Variants in NSD3 observed in about 807,000 individuals in gnomAD.
NSD3 encodes the protein histone-lysine N-methyltransferase NSD3.
In NSD3, 24 loss-of-function variants were observed where a neutral mutation model predicts 160.8. The observed-to-expected ratio is 0.15, with a 90% CI of 0.11 to 0.21. The LOEUF (loss-of-function observed/expected upper bound fraction) is 0.21. NSD3 is among the 10% of genes least tolerant of loss of function. The probability of loss-of-function intolerance (pLI) is 1.00; values close to 1 mark genes in which losing one functional copy is unlikely to be tolerated. For missense variants in NSD3, 1,157 were observed against 1,735.9 expected (o/e 0.67, Z 5.93); for synonymous variants, 520 against 600.0 (o/e 0.87, Z 1.95).
intron 1 of NSD3, among the ~76,000 whole-genome samples, chr8:38,357,504 A>G (rs1810853931): frequency 6.6e-6 from 1 of 152,130 alleles, no homozygotes; most frequent in Admixed American, 6.5e-5. Context: ...TCCTATCCAT[A>G]ATATACCCTT....
At chr8:38,357,401 C>G (rs1810851946) in intron 1 of NSD3, among the ~76,000 whole-genome samples, 1 of 152,142 alleles carries the variant, frequency 6.6e-6, no homozygotes, top group South Asian at 2.1e-4. Context: ...CCTCTTCAAC[C>G]TCAAGTCATT....
chr8:38,305,490 G>T (rs779503364), intron 12 of NSD3, 45 bp from the exon 13 acceptor site: 4 of 1,592,266 alleles, frequency 2.5e-6, no homozygotes, highest in Non-Finnish European at 1.7e-6. Flanking sequence ...ATTGACTAAA[G>T]CATATTCAAG....
intron 14 of NSD3, chr8:38,303,423 T>A (rs973991796): frequency 3.0e-6 from 3 of 984,874 alleles, no homozygotes; most frequent in African/African-American, 3.5e-5. Flanking sequence ...GACACAGTAC[T>A]TCCTGCTCCA....
intron 2 of NSD3, among the ~76,000 whole-genome samples, chr8:38,340,742 C>G (rs965038182): frequency 6.6e-6 from 1 of 151,918 alleles, no homozygotes; most frequent in Non-Finnish European, 1.5e-5. Context: ...CGTTCCAGGC[C>G]CAGTTCTAGA....
chr8:38,302,224 C>G (rs1368343868), intron 14 of NSD3, among the ~76,000 whole-genome samples: 1 of 152,150 alleles, frequency 6.6e-6, no homozygotes, highest in Admixed American at 6.5e-5. Context: ...GCTAAGTTTT[C>G]TAATACCCAA....
chr8:38,303,229 T>A, intron 14 of NSD3: 5 of 985,094 alleles, frequency 5.1e-6, no homozygotes, highest in Non-Finnish European at 4.8e-6. Flanking sequence ...GATAATACAA[T>A]AATTTTTTCT....
intron 19 of NSD3, among the ~76,000 whole-genome samples, chr8:38,283,563 T>C (rs1457799564): frequency 6.6e-6 from 1 of 151,996 alleles, no homozygotes; most frequent in East Asian, 1.9e-4. Flanking sequence ...CTTTAAAACA[T>C]TTAATCTTTT....
In NSD3 at chr8:38,329,149, C is replaced by G. The variant is rs1247093640; in HGVS notation, c.1581+229G>C. Among the ~76,000 whole-genome samples the G allele has an allele frequency of 6.6e-6, 1 of 151,986 alleles. No individual in the cohort carries two copies. The highest frequency in any genetic ancestry group is 1.5e-5 in the Non-Finnish European group (1 of 68,008). ...TAAGCTCAATTTTGGCTGCACAGCT[C>G]AAGACTAATCTACTACAGATGGGAA... On this transcript the variant is annotated intron_variant, in intron 6 of 23. Transcript: ENST00000317025. This position sits in a 1 kb window ranked among gnomAD's most constrained non-coding sequence, Gnocchi z 4.8.
chr8:38,357,257 C>T (rs1563366980), intron 1 of NSD3, among the ~76,000 whole-genome samples: 1 of 151,482 alleles, frequency 6.6e-6, no homozygotes, highest in Non-Finnish European at 1.5e-5. Flanking sequence ...AAATACATTC[C>T]TAGGTTAATC....
At position 38,329,370 on chromosome 8, in the gene NSD3, G is replaced by C. The variant is rs1167835151; in HGVS notation, c.1581+8C>G. ...TCCCCCAAAAAACTCCACGAAAAAA[G>C]GAGGTACCTTTGTTGAATAAACAAA... On this transcript the variant is annotated splice_region_variant and intron_variant, in intron 6 of 23. Coordinates refer to ENST00000317025, the MANE Select transcript of NSD3 (RefSeq NM_023034.2). This position sits in a 1 kb window ranked among gnomAD's most constrained non-coding sequence, Gnocchi z 4.8. The C allele has an allele frequency of 6.2e-7, 1 of 1,600,976 alleles. No individual in the cohort carries two copies. The highest frequency in any genetic ancestry group is 1.3e-5 in the African/African-American group (1 of 74,358).
chr8:38,335,111 A>G (rs528876044), intron 4 of NSD3, among the ~76,000 whole-genome samples: 1 of 151,156 alleles, frequency 6.6e-6, no homozygotes, highest in East Asian at 2.0e-4. Context: ...TGTCTCAGTC[A>G]CCTGAGTGAG....
rs181581025 is a variant in NSD3 at position 38,343,665 on chromosome 8, T to C, written c.675+3832A>G. ...TTGCAGTGAGCCGAGACTGCACCAC[T>C]GCACTCCACCCTGGGCAACAGAGTG... On this transcript the variant is annotated intron_variant, in intron 2 of 23. Transcript: ENST00000317025. Among the ~76,000 whole-genome samples, 21 of 152,306 alleles carry C rather than the reference T, an allele frequency of 1.4e-4. No individual in the cohort carries two copies. The East Asian group carries it at 4.0e-3, about 29-fold the overall frequency.
intron 5 of NSD3, among the ~76,000 whole-genome samples, chr8:38,330,665 G>T (rs755790600): frequency 5.3e-5 from 8 of 152,192 alleles, no homozygotes; most frequent in Non-Finnish European, 7.4e-5. Flanking sequence ...TCTGTAAAAT[G>T]TAAGTCTCAT....
intron 15 of NSD3, among the ~76,000 whole-genome samples, chr8:38,296,869 G>A (rs895256637): frequency 6.6e-6 from 1 of 151,984 alleles, no homozygotes; most frequent in African/African-American, 2.4e-5. Context: ...GAGCCACCAT[G>A]CCTGGCCAAA....
chr8:38,350,052 A>C (rs1198104811), intron 1 of NSD3, among the ~76,000 whole-genome samples: 2 of 152,002 alleles, frequency 1.3e-5, no homozygotes, highest in Non-Finnish European at 2.9e-5. Flanking sequence ...TCCATGGTGT[A>C]TATGTGCCAC....
intron 12 of NSD3, 103 bp downstream of exon 12, chr8:38,314,544 A>G: frequency 6.7e-7 from 1 of 1,481,690 alleles, no homozygotes. Flanking sequence ...GAGGAGGGCT[A>G]ATAAAAGTGA....
At chr8:38,369,510 G>A (rs927250751) in intron 1 of NSD3, among the ~76,000 whole-genome samples, 9 of 152,162 alleles carry the variant, frequency 5.9e-5, no homozygotes, top group African/African-American at 2.2e-4. Flanking sequence ...ATTGAGTTCA[G>A]TTCTTCTTCC....
In NSD3 at chr8:38,281,519, T is replaced by C. The variant is rs1313665107; in HGVS notation, c.3566A>G (p.Lys1189Arg). 10 of 1,607,400 alleles carry C rather than the reference T, an allele frequency of 6.2e-6. No individual in the cohort carries two copies. The highest frequency in any genetic ancestry group is 6.8e-6 in the Non-Finnish European group (8 of 1,176,510). The change falls in exon 20 of 24, where the codon AAG (lysine) becomes AGG (arginine). Residue 1189 changes from lysine (K) to arginine (R), a missense_variant. Lys to Arg is a conservative substitution (Grantham distance 26, BLOSUM62 2). This residue lies in a region of NSD3 where 222 missense variants were observed against 409.9 expected (regional missense o/e 0.54). Coordinates refer to ENST00000317025, the MANE Select transcript of NSD3 (RefSeq NM_023034.2). The stretch of plus-strand genomic sequence containing the variant: ...AGTTACACTGTTCTCGTGGGCTCGC[T>C]TGATTCGCAATCTGCATTCTTCTTC... Reference protein sequence around the residue: ...IDEEECRLRIKRAHENSVTNF... With the variant: ...IDEEECRLRIRRAHENSVTNF...
rs1808507540 is a variant in NSD3 at position 38,272,537 on chromosome 8, C to G, written c.*3104G>C. The G allele has an allele frequency of 6.6e-6, 1 of 152,292 alleles. No homozygotes were observed. The highest frequency in any genetic ancestry group is 6.5e-5 in the Admixed American group (1 of 15,276). The allele number at this position is 152,292 out of a possible 1,614,324, so 9.4% of individuals were successfully genotyped here. Reference sequence around the variant, plus strand: ...AGTGGCGGTCCAGCCCCTCCCTCCCCTGCACAGTGCCTGAGAAAGTTTCCC... The same window carrying G: ...AGTGGCGGTCCAGCCCCTCCCTCCCGTGCACAGTGCCTGAGAAAGTTTCCC... On this transcript the variant is annotated 3_prime_UTR_variant, in exon 24 of 24. Coordinates refer to ENST00000317025, the MANE Select transcript of NSD3 (RefSeq NM_023034.2).
Sources: gnomAD v4.1 joint callset for allele counts (sites outside exome capture counted in the v4.1 genomes callset) on GRCh38, gnomAD v4.1.1 for gene constraint, gnomAD v4.1.1 regional missense constraint, Gnocchi (gnomAD v3.1) non-coding constraint, MANE v1.5 for transcripts, NCBI Gene and HGNC (gene_info 2026-07-23, HGNC 2026-07-21) for gene names.